IFNAR2: variants seen among roughly 807,000 people sequenced by gnomAD.
IFNAR2 encodes interferon alpha/beta receptor 2.
IFNAR2 carries 30 observed loss-of-function variants against 49.4 expected under a neutral mutation model. The ratio of observed to expected loss-of-function variants is 0.61; its 90% CI spans 0.45 to 0.82. IFNAR2 has a LOEUF of 0.82. Ranked by LOEUF, IFNAR2 falls within the 40% of genes least tolerant of loss-of-function variation. The pLI is 0.00. For missense variants in IFNAR2, 600 were observed against 622.7 expected (o/e 0.96, Z 0.39); for synonymous variants, 224 against 234.5 (o/e 0.96, Z 0.41).
chr21:33,254,304 A>G (rs1419892230), intron 7 of IFNAR2, among the ~76,000 whole-genome samples: 1 of 152,192 alleles, frequency 6.6e-6, no homozygotes, highest in East Asian at 1.9e-4. Context: ...TAATATTAAA[A>G]CAGAAACCTT....
rs58341848 is a variant in IFNAR2, at chr21:33,262,364, CAAAAAAA to C, written c.841-414_841-408del. Among the ~76,000 whole-genome samples the C allele has an allele frequency of 8.3e-5, 8 of 96,338 alleles. No homozygotes were observed. The East Asian group carries it at 1.2e-3, about 14-fold the overall frequency. The allele number at this position is 96,338 out of a possible 152,430, so 63.2% of individuals were successfully genotyped here. A position where few individuals can be genotyped will look rare whatever the true frequency, so the allele number is the denominator to read the frequency against. ...GGGCAACAGAGCGAGACTCCCGTCTCAAAAAAAAAAAAAAAAAAAAATAGTAAGCATA... is the reference window on the plus strand; with the variant it reads ...GGGCAACAGAGCGAGACTCCCGTCTCAAAAAAAAAAAAAATAGTAAGCATA... On this transcript the variant is annotated intron_variant, in intron 8 of 8. Coordinates refer to ENST00000342136, the MANE Select transcript of IFNAR2 (RefSeq NM_001289125.3).
chr21:33,246,764 A>G lies in IFNAR2; in HGVS notation c.268A>G (p.Arg90Gly), dbSNP rs1202241897. ...KVVKNCANTT[R>G]SFCDLTDEWR... is the part of the protein sequence containing the mutation. Reference sequence around the variant, plus strand: ...GGTTAAGAACTGTGCAAATACCACAAGATCATTTTGTGACCTCACAGATGA... The same window carrying G: ...GGTTAAGAACTGTGCAAATACCACAGGATCATTTTGTGACCTCACAGATGA... The change falls in exon 5 of 9, where the codon AGA becomes GGA. Residue 90 changes from arginine (R) to glycine (G), a missense_variant. Transcript: ENST00000342136. 6 of 1,613,996 alleles carry G rather than the reference A, an allele frequency of 3.7e-6. No individual in the cohort carries two copies. In the African/African-American group the frequency reaches 4.0e-5, roughly 11 times the overall value.
In IFNAR2 at chr21:33,230,651, C is replaced by T. The variant is rs957049280; in HGVS notation, c.-84+435C>T. ...AGCTGGGTGCTCAGGTTCGGGATCT[C>T]CAGCCCGCCCCCTTGAGGTCCCCTG... On this transcript the variant is annotated intron_variant, in intron 1 of 8. Transcript: ENST00000342136. The surrounding 1 kb of genome is among the most constrained non-coding windows in gnomAD (Gnocchi z 5.5). 6 of 465,354 alleles carry T rather than the reference C, an allele frequency of 1.3e-5. No individual in the cohort carries two copies. The highest frequency in any genetic ancestry group is 2.2e-5 in the Non-Finnish European group (5 of 224,134). The allele number at this position is 465,354 out of a possible 1,614,324, so 28.8% of individuals were successfully genotyped here.
At chr21:33,235,758 C>T (rs1374401017) in intron 1 of IFNAR2, among the ~76,000 whole-genome samples, 1 of 151,996 alleles carries the variant, frequency 6.6e-6, no homozygotes, top group African/African-American at 2.4e-5. Context: ...AACCCCGTCT[C>T]TACTAAAAAT....
At chr21:33,231,592 A>AAT in intron 1 of IFNAR2, 1 of 450,920 alleles carries the variant, frequency 2.2e-6, no homozygotes, top group Non-Finnish European at 2.9e-6. Flanking sequence ...CATTTATTAA[A>AAT]ATATATATTC....
In IFNAR2 at chr21:33,230,281, G is replaced by A. The variant is rs1985941212; in HGVS notation, c.-84+65G>A. 2 of 1,091,816 alleles carry A rather than the reference G, an allele frequency of 1.8e-6. No homozygotes were observed. Among genetic ancestry groups the A allele is most frequent in the Non-Finnish European group, 2.3e-6 (2 of 886,076 alleles). 67.6% of individuals were successfully genotyped at this position (1,091,816 alleles called of 1,614,324 possible). A position where few individuals can be genotyped will look rare whatever the true frequency, so the allele number is the denominator to read the frequency against. Reference sequence around the variant, plus strand: ...GCCAGCTGACTGGAGGGAAAACGCCGCCTCCCTGCAGCGGTTCCCGGAATC... The same window carrying A: ...GCCAGCTGACTGGAGGGAAAACGCCACCTCCCTGCAGCGGTTCCCGGAATC... On this transcript the variant is annotated intron_variant, in intron 1 of 8. Transcript: ENST00000342136. The surrounding 1 kb of genome is among the most constrained non-coding windows in gnomAD (Gnocchi z 5.5).
chr21:33,239,853 A>G (rs1411787200), intron 1 of IFNAR2, among the ~76,000 whole-genome samples: 5 of 28,734 alleles, frequency 1.7e-4, no homozygotes, highest in Non-Finnish European at 2.6e-4. Context: ...GTTGTGAGCT[A>G]CAGGTTCTAT....
chr21:33,243,783 G>A, intron 3 of IFNAR2, 69 bp downstream of exon 3: 5 of 1,064,324 alleles, frequency 4.7e-6, no homozygotes, highest in East Asian at 2.4e-5. Flanking sequence ...CCATTCAGAG[G>A]TATAAAATGT....
At chr21:33,234,225 T>G (rs867569747) in intron 1 of IFNAR2, among the ~76,000 whole-genome samples, 5 of 66,322 alleles carry the variant, frequency 7.5e-5, no homozygotes, top group Admixed American at 1.3e-4. Context: ...GTGTGTGTGT[T>G]TATGCATAGA....
chr21:33,234,774 G>A (rs1396380391), intron 1 of IFNAR2: 3 of 983,616 alleles, frequency 3.0e-6, no homozygotes, highest in Non-Finnish European at 3.6e-6. Context: ...TTCAGCCTGG[G>A]AAGCCACATG....
chr21:33,237,070 G>A (rs1032764931), intron 1 of IFNAR2, among the ~76,000 whole-genome samples: 1 of 102,918 alleles, frequency 9.7e-6, no homozygotes, highest in East Asian at 4.0e-4. Flanking sequence ...CCCAGAGGGG[G>A]AGAATGGGGT....
intron 1 of IFNAR2, among the ~76,000 whole-genome samples, chr21:33,232,073 T>C (rs1986103172): frequency 6.6e-6 from 1 of 152,222 alleles, no homozygotes; most frequent in Admixed American, 6.5e-5. Flanking sequence ...CCATTGCTTA[T>C]AAGATGCACT....
intron 4 of IFNAR2, among the ~76,000 whole-genome samples, chr21:33,246,278 G>A (rs1185922602): frequency 1.3e-5 from 2 of 152,074 alleles, no homozygotes; most frequent in Non-Finnish European, 2.9e-5. Flanking sequence ...CACCATGTTA[G>A]CCAGGATGGT....
intron 6 of IFNAR2, chr21:33,252,116 CTA>C (rs755551496): frequency 4.4e-5 from 20 of 450,218 alleles, no homozygotes; most frequent in Admixed American, 5.2e-5. Flanking sequence ...ATCTATCTAT[CTA>C]TATCTGTCTA....
At chr21:33,245,143 T>G in intron 4 of IFNAR2, 69 bp downstream of exon 4, 1 of 1,153,016 alleles carries the variant, frequency 8.7e-7, no homozygotes, top group Admixed American at 1.7e-5. Flanking sequence ...GAGGTGATCT[T>G]TTCTCTCTCT....
In IFNAR2 at chr21:33,229,953, G is replaced by A; in HGVS notation, c.-347G>A. 2 of 983,932 alleles carry A rather than the reference G, an allele frequency of 2.0e-6. No homozygotes were observed. The highest frequency in any genetic ancestry group is 5.2e-4 in the Middle Eastern group (1 of 1,912). 61.0% of individuals were successfully genotyped at this position (983,932 alleles called of 1,614,324 possible). ...CCGCGCTTCCGTATCGCTCCTCGTA[G>A]GCCGGGGCTCGGCGCGCGCACCCGC... On this transcript the variant is annotated 5_prime_UTR_variant, in exon 1 of 9. Transcript: ENST00000342136.
chr21:33,242,064 A>T, intron 2 of IFNAR2, 87 bp downstream of exon 2: 1 of 1,318,560 alleles, frequency 7.6e-7, no homozygotes, highest in East Asian at 2.4e-5. Flanking sequence ...TCGCAAACTC[A>T]TTTCCCTGAC....
In IFNAR2 at chr21:33,263,013, C is replaced by G. The variant is rs200443135; in HGVS notation, c.1061C>G (p.Ser354Cys). 6.2e-7 allele frequency: 1 copy of G among 1,614,188 alleles called. No homozygotes were observed. The highest frequency in any genetic ancestry group is 1.3e-5 in the African/African-American group (1 of 75,034). Residue 354 changes from serine to cysteine, a missense_variant, in exon 9 of 9, where the codon TCT (serine) becomes TGT (cysteine). Coordinates refer to ENST00000342136, the MANE Select transcript of IFNAR2 (RefSeq NM_001289125.3). ...VRPLGQASATSTESQLIDPES... is the reference protein window; with the variant it reads ...VRPLGQASATCTESQLIDPES... ...CCTCTGGGTCAGGCCTCTGCCACCT[C>G]TACAGAATCCCAGTTGATAGACCCG...
At chr21:33,254,841 G>A (rs1422045848) in intron 7 of IFNAR2, among the ~76,000 whole-genome samples, 2 of 152,194 alleles carry the variant, frequency 1.3e-5, no homozygotes, top group African/African-American at 2.4e-5. Flanking sequence ...AAGGGTTCTC[G>A]GGATCTCCTG....
Sources: allele counts gnomAD v4.1 joint callset (sites outside exome capture counted in the v4.1 genomes callset), GRCh38; gene constraint gnomAD v4.1.1; non-coding constraint Gnocchi (gnomAD v3.1); transcripts MANE v1.5; gene names NCBI Gene and HGNC (gene_info 2026-07-23, HGNC 2026-07-21).